Variants in SNX19 observed in about 807,000 individuals in gnomAD.
SNX19 encodes sorting nexin-19.
A neutral mutation model predicts 85.2 loss-of-function variants in SNX19; 60 were observed. That is an observed-to-expected ratio of 0.70 (90% CI 0.57 to 0.87). The LOEUF is 0.87. SNX19 is among the 40% of genes least tolerant of loss of function. SNX19 has a pLI of 0.00. For synonymous variants in SNX19, 520 were observed against 470.0 expected (o/e 1.11, Z -1.38); for missense variants, 1,201 against 1,217.8 (o/e 0.99, Z 0.21).
At position 130,869,593 on chromosome 11, in the gene SNX19, C is replaced by T. The variant is rs571080912; in HGVS notation, c.*8829G>A. The T allele has an allele frequency of 5.0e-4, 76 of 152,278 alleles. No homozygotes were observed. Among genetic ancestry groups the T allele is most frequent in the African/African-American group, 1.5e-3 (63 of 41,546 alleles). 9.4% of individuals were successfully genotyped at this position (152,278 alleles called of 1,614,324 possible). On this transcript the variant is annotated 3_prime_UTR_variant, in exon 11 of 11. Coordinates refer to ENST00000265909, the MANE Select transcript of SNX19 (RefSeq NM_014758.3). ...CAACAAGTCACTAAACTTTCTGAGT[C>T]TCAGAATCTGGGACTTAAAATCAGG... is the stretch of plus-strand genomic sequence containing the variant.
chr11:130,893,310 A>G (rs1293098047), intron 8 of SNX19, among the ~76,000 whole-genome samples: 2 of 152,158 alleles, frequency 1.3e-5, no homozygotes, highest in Non-Finnish European at 2.9e-5. Flanking sequence ...ATTATTAGGG[A>G]TTTATTTAAA....
chr11:130,908,893 A>T (rs1945871494), intron 4 of SNX19, among the ~76,000 whole-genome samples: 1 of 152,242 alleles, frequency 6.6e-6, no homozygotes, highest in Non-Finnish European at 1.5e-5. Flanking sequence ...GGCTCAGAGC[A>T]GCACCATGCC....
At chr11:130,879,853 AT>A (rs1943536300) in intron 9 of SNX19, 142 bp from the exon 10 acceptor site, 2 of 647,636 alleles carry the variant, frequency 3.1e-6, no homozygotes, top group African/African-American at 3.7e-5. Context: ...CCAAACTAAA[AT>A]CCTCACAAAA....
Position 130,911,666 on chromosome 11 carries a change from C to T in SNX19, c.1780G>A (p.Glu594Lys). The part of the protein sequence containing the change: ...REFLNLQTRL[E>K]EKPDLRKFIK... ...AACTTTCGTAGATCTGGTTTCTCCTCCAGACGGGTCTGCAGATTCAAGAAC... is the reference window on the plus strand; with the variant it reads ...AACTTTCGTAGATCTGGTTTCTCCTTCAGACGGGTCTGCAGATTCAAGAAC... The change falls in exon 2 of 11, where the codon GAG (glutamate) becomes AAG (lysine). Residue 594 changes from glutamate to lysine, a missense_variant. Glu to Lys is a moderately conservative substitution (Grantham distance 56). This residue lies in a region of SNX19 where 791 missense variants were observed against 750.9 expected (regional missense o/e 1.05). Coordinates refer to ENST00000265909, the MANE Select transcript of SNX19 (RefSeq NM_014758.3). 6.2e-7 allele frequency: 1 copy of T among 1,614,184 alleles called. No homozygotes were observed. Among genetic ancestry groups the T allele is most frequent in the Non-Finnish European group, 8.5e-7 (1 of 1,180,034 alleles).
Position 130,867,507 on chromosome 11 carries a change from C to G in SNX19, c.*10915G>C, listed in dbSNP as rs553491932. Reference sequence around the variant, plus strand: ...TTCATATCTGTATGGTATCTTTACTCAACTTGATTTTGGCAGGTTTAAAGA... The same window carrying G: ...TTCATATCTGTATGGTATCTTTACTGAACTTGATTTTGGCAGGTTTAAAGA... On this transcript the variant is annotated 3_prime_UTR_variant, in exon 11 of 11. Coordinates refer to ENST00000265909, the MANE Select transcript of SNX19 (RefSeq NM_014758.3). 1 of 152,104 alleles carries G rather than the reference C, an allele frequency of 6.6e-6. No homozygotes were observed. The highest frequency in any genetic ancestry group is 1.5e-5 in the Non-Finnish European group (1 of 68,020). 9.4% of individuals were successfully genotyped at this position (152,104 alleles called of 1,614,324 possible). A position where few individuals can be genotyped will look rare whatever the true frequency, so the allele number is the denominator to read the frequency against.
At chr11:130,884,780 G>A (rs1163874401) in intron 8 of SNX19, among the ~76,000 whole-genome samples, 3 of 150,278 alleles carry the variant, frequency 2.0e-5, no homozygotes, top group Non-Finnish European at 2.9e-5. Context: ...GCTGAGGCAG[G>A]AGACTCGCTT....
rs2276098 is a variant in SNX19 at position 130,907,991 on chromosome 11, G to A, written c.2127C>T (p.Thr709=). The A allele has an allele frequency of 0.19, 307,265 of 1,613,868 alleles. 30,713 individuals carry two copies. Among genetic ancestry groups the A allele is most frequent in the Middle Eastern group, 0.21 (1,252 of 6,048 alleles). ...SPTEELSEAE[T]ESKPQTEGKK... is the part of the protein sequence containing the mutation. Reference sequence around the variant, plus strand: ...TGCCTTCTGTCTGGGGCTTGCTTTCGGTCTCGGCCTCACTCAGCTCCTCTG... The same window carrying A: ...TGCCTTCTGTCTGGGGCTTGCTTTCAGTCTCGGCCTCACTCAGCTCCTCTG... Residue 709 remains threonine (T), a synonymous_variant, in exon 5 of 11, where the codon ACC becomes ACT. Coordinates refer to ENST00000265909, the MANE Select transcript of SNX19 (RefSeq NM_014758.3).
chr11:130,886,464 A>T (rs1944081166), intron 8 of SNX19, among the ~76,000 whole-genome samples: 1 of 152,182 alleles, frequency 6.6e-6, no homozygotes, highest in African/African-American at 2.4e-5. Flanking sequence ...GAGAGAAAGT[A>T]GGAGAAGCCC....
At chr11:130,913,409 CTTCCA>C (rs1437083606) in intron 1 of SNX19, among the ~76,000 whole-genome samples, 1 of 152,214 alleles carries the variant, frequency 6.6e-6, no homozygotes, top group East Asian at 1.9e-4. Flanking sequence ...TTTCTAATTA[CTTCCA>C]TTCCGTCTTA....
At chr11:130,909,315 A>C (rs1945909380) in intron 4 of SNX19, among the ~76,000 whole-genome samples, 1 of 152,168 alleles carries the variant, frequency 6.6e-6, no homozygotes, top group African/African-American at 2.4e-5. Flanking sequence ...TACTACATGA[A>C]ATTCTATTTT....
intron 4 of SNX19, among the ~76,000 whole-genome samples, chr11:130,909,209 G>C (rs1945899008): frequency 6.6e-6 from 1 of 152,202 alleles, no homozygotes; most frequent in African/African-American, 2.4e-5. Flanking sequence ...TGGAAATAAT[G>C]GATGAATGAT....
intron 7 of SNX19, among the ~76,000 whole-genome samples, chr11:130,905,406 T>C (rs1020045312): frequency 5.3e-5 from 8 of 152,194 alleles, no homozygotes; most frequent in African/African-American, 1.4e-4. Flanking sequence ...CTGTGGTATA[T>C]CCAAGTGAAG....
At chr11:130,909,920 C>A (rs1424068595) in intron 4 of SNX19, 98 bp downstream of exon 4, 20 of 1,517,072 alleles carry the variant, frequency 1.3e-5, no homozygotes, top group Non-Finnish European at 1.7e-5. Context: ...CCTTCCCACA[C>A]CCTACTGCTC....
At chr11:130,878,653 T>G (rs1943424562) in intron 10 of SNX19, 99 bp from the exon 11 acceptor site, 1 of 1,373,252 alleles carries the variant, frequency 7.3e-7, no homozygotes, top group East Asian at 2.4e-5. Flanking sequence ...ACCGACACCC[T>G]AAACTTCAAT....
At chr11:130,905,180 T>C (rs767760235) in intron 7 of SNX19, among the ~76,000 whole-genome samples, 3 of 152,236 alleles carry the variant, frequency 2.0e-5, no homozygotes, top group Non-Finnish European at 4.4e-5. Context: ...ATTTTTCTTC[T>C]ACAGAGTACA....
intron 8 of SNX19, among the ~76,000 whole-genome samples, chr11:130,899,296 C>A (rs1945091073): frequency 6.6e-6 from 1 of 152,186 alleles, no homozygotes; most frequent in Non-Finnish European, 1.5e-5. Context: ...GTCTATAATG[C>A]ACAGGGTGCT....
In SNX19 at chr11:130,870,093, C is replaced by A. The variant is rs1405130126; in HGVS notation, c.*8329G>T. The A allele has an allele frequency of 1.3e-5, 2 of 152,148 alleles. No homozygotes were observed. Among genetic ancestry groups the A allele is most frequent in the Non-Finnish European group, 2.9e-5 (2 of 68,034 alleles). 9.4% of individuals were successfully genotyped at this position (152,148 alleles called of 1,614,324 possible). A position where few individuals can be genotyped will look rare whatever the true frequency, so the allele number is the denominator to read the frequency against. On this transcript the variant is annotated 3_prime_UTR_variant, in exon 11 of 11. Coordinates refer to ENST00000265909, the MANE Select transcript of SNX19 (RefSeq NM_014758.3). ...GCTCCCTGCTAGATGAAGAAAACTT[C>A]TATCACTTGGGAAAAATCCACAGAA... is the stretch of plus-strand genomic sequence containing the variant.
intron 7 of SNX19, among the ~76,000 whole-genome samples, chr11:130,905,443 T>C (rs1292709860): frequency 6.6e-6 from 1 of 152,126 alleles, no homozygotes; most frequent in Non-Finnish European, 1.5e-5. Flanking sequence ...GTTTAAGGCA[T>C]CACCACACAC....
chr11:130,886,169 C>T (rs955403137), intron 8 of SNX19, among the ~76,000 whole-genome samples: 33 of 152,218 alleles, frequency 2.2e-4, no homozygotes, highest in African/African-American at 7.5e-4. Flanking sequence ...ATGGTTGTAG[C>T]GCAATGTTTT....
Sources: allele counts gnomAD v4.1 joint callset (sites outside exome capture counted in the v4.1 genomes callset), GRCh38; gene constraint gnomAD v4.1.1; regional missense constraint gnomAD v4.1.1; transcripts MANE v1.5; gene names NCBI Gene and HGNC (gene_info 2026-07-23, HGNC 2026-07-21).